SMARCE1: variants seen among roughly 807,000 people sequenced by gnomAD.
SMARCE1 encodes SWI/SNF-related matrix-associated actin-dependent regulator of chromatin subfamily E member 1.
Under a neutral mutation model 54.9 loss-of-function variants are expected in SMARCE1, and 13 were observed. That is an observed-to-expected ratio of 0.24 (90% CI 0.15 to 0.38). The LOEUF is 0.38. Ranked by LOEUF, SMARCE1 falls within the 10% of genes least tolerant of loss-of-function variation. The pLI is 1.00. For synonymous variants in SMARCE1, 151 were observed against 175.3 expected (o/e 0.86, Z 1.10); for missense variants, 295 against 523.8 (o/e 0.56, Z 4.26).
intron 4 of SMARCE1, 140 bp from the exon 5 acceptor site, chr17:40,637,712 C>T: frequency 1.6e-6 from 1 of 640,538 alleles, no homozygotes; most frequent in Non-Finnish European, 2.8e-6. Flanking sequence ...GCTATCACTG[C>T]AAATTCAGAA....
rs1266565002 is a variant in SMARCE1, at chr17:40,631,709, A to C, written c.715-16T>G. The C allele has an allele frequency of 7.0e-7, 1 of 1,427,050 alleles. No homozygotes were observed. The allele number at this position is 1,427,050 out of a possible 1,614,324, so 88.4% of individuals were successfully genotyped here. A position where few individuals can be genotyped will look rare whatever the true frequency, so the allele number is the denominator to read the frequency against. ...CTAGTTTTCGCTGCAAGACAGGATC[A>C]GGCTTCATAATTGTGTCTCATTTTT... On this transcript the variant is annotated splice_polypyrimidine_tract_variant and intron_variant, in intron 8 of 10. Transcript: ENST00000348513.
rs185372305 is a variant in SMARCE1 at position 40,642,024 on chromosome 17, G to A, written c.156+431C>T. 91 of 219,966 alleles carry A rather than the reference G, an allele frequency of 4.1e-4. 1 individual carries two copies. The East Asian group carries it at 0.011, about 27-fold the overall frequency. 13.6% of individuals were successfully genotyped at this position (219,966 alleles called of 1,614,324 possible). A position where few individuals can be genotyped will look rare whatever the true frequency, so the allele number is the denominator to read the frequency against. ...TAACTATGGGTAGCGATTCAAACTG[G>A]TGTACCAGCCAAAAGCTTTCCAGCC... is the stretch of plus-strand genomic sequence containing the variant. On this transcript the variant is annotated intron_variant, in intron 4 of 10. Transcript: ENST00000348513. This position sits in a 1 kb window ranked among gnomAD's most constrained non-coding sequence, Gnocchi z 4.6.
At position 40,642,655 on chromosome 17, in the gene SMARCE1, G is replaced by A. The variant is rs2037210771; in HGVS notation, c.52-96C>T. On this transcript the variant is annotated intron_variant, in intron 3 of 10. Transcript: ENST00000348513. The surrounding 1 kb of genome is among the most constrained non-coding windows in gnomAD (Gnocchi z 4.6). ...AATGATCTGCATATGGCATGCAAAA[G>A]CAACCTGAATTTAAACAAGCAATGA... is the stretch of plus-strand genomic sequence containing the variant. 1.4e-6 allele frequency: 1 copy of A among 712,020 alleles called. No homozygotes were observed. The highest frequency in any genetic ancestry group is 1.8e-5 in the South Asian group (1 of 56,848). The allele number at this position is 712,020 out of a possible 1,614,324, so 44.1% of individuals were successfully genotyped here.
chr17:40,632,242 T>C lies in SMARCE1; in HGVS notation c.667A>G (p.Arg223Gly). 6.2e-7 allele frequency: 1 copy of C among 1,613,924 alleles called. No homozygotes were observed. The highest frequency in any genetic ancestry group is 8.5e-7 in the Non-Finnish European group (1 of 1,179,854). ...PDVRSVVTTARMQVLKRQVQS... is the reference protein window; with the variant it reads ...PDVRSVVTTAGMQVLKRQVQS... ...ACCTGCCGTTTGAGGACCTGCATTC[T>C]AGCTGTTGTGACAACTGACCGAACG... Residue 223 changes from arginine to glycine, a missense_variant, in exon 8 of 11, where the codon AGA (arginine) becomes GGA (glycine). Arg to Gly is a moderately radical substitution (Grantham distance 125). Coordinates refer to ENST00000348513, the MANE Select transcript of SMARCE1 (RefSeq NM_003079.5).
At chr17:40,636,597 T>A in intron 5 of SMARCE1, 71 bp from the exon 6 acceptor site, 2 of 1,245,864 alleles carry the variant, frequency 1.6e-6, no homozygotes, top group Non-Finnish European at 2.3e-6. Flanking sequence ...TAGTTTTTAA[T>A]GTGGAAACTT....
Position 40,626,869 on chromosome 17 carries a change from C to T in SMARCE1, c.*1916G>A, listed in dbSNP as rs528767904. On this transcript the variant is annotated 3_prime_UTR_variant, in exon 11 of 11. Coordinates refer to ENST00000348513, the MANE Select transcript of SMARCE1 (RefSeq NM_003079.5). ...CAACCTGGGCGACAGATTGAGACGT[C>T]TCCCATCTGACTTAATTCCCTCATC... is the stretch of plus-strand genomic sequence containing the variant. 5.3e-5 allele frequency: 8 copies of T among 151,528 alleles called. No individual in the cohort carries two copies. The East Asian group carries it at 1.6e-3, about 29-fold the overall frequency. The allele number at this position is 151,528 out of a possible 1,614,324, so 9.4% of individuals were successfully genotyped here.
At chr17:40,641,678 T>A (rs1397869229) in intron 4 of SMARCE1, 1 of 152,232 alleles carries the variant, frequency 6.6e-6, no homozygotes. Context: ...TTTTTATAAT[T>A]ATTGGCATTT....
At chr17:40,637,640 C>A (rs1051304033) in intron 4 of SMARCE1, 68 bp from the exon 5 acceptor site, 2 of 1,279,528 alleles carry the variant, frequency 1.6e-6, no homozygotes, top group Non-Finnish European at 2.3e-6. Flanking sequence ...AAAAGAGAGT[C>A]CCTTAAAAAA....
At chr17:40,629,043 A>C in intron 10 of SMARCE1, 50 bp from the exon 11 acceptor site, 1 of 1,482,066 alleles carries the variant, frequency 6.7e-7, no homozygotes. Flanking sequence ...ATTTTACTCT[A>C]GTTATGCTGA....
chr17:40,640,471 TC>T (rs2037187505), intron 4 of SMARCE1: 1 of 152,218 alleles, frequency 6.6e-6, no homozygotes, highest in African/African-American at 2.4e-5. Context: ...GGACAGGGCT[TC>T]ACAGATTCGT....
At chr17:40,630,273 C>T (rs762886715) in intron 10 of SMARCE1, 27 of 1,532,346 alleles carry the variant, frequency 1.8e-5, no homozygotes, top group Non-Finnish European at 2.4e-5. Context: ...TAGGACAGAG[C>T]TGGCAATTTT....
In SMARCE1 at chr17:40,630,795, T is replaced by C. The variant is rs1399640472; in HGVS notation, c.946A>G (p.Ser316Gly). 6.2e-7 allele frequency: 1 copy of C among 1,614,136 alleles called. No individual in the cohort carries two copies. Among genetic ancestry groups the C allele is most frequent in the East Asian group, 2.2e-5 (1 of 44,878 alleles). ...EAAEQAERSQ[S>G]SIVPEEEQAA... ...TGTTCTTCCTCAGGAACGATGCTGC[T>C]CTGACTGCGCTCAGCTTGCTCTGCG... The change falls in exon 10 of 11, where the codon AGC becomes GGC. Residue 316 changes from serine (S) to glycine (G), a missense_variant. Around this residue, in one of 5 missense-constraint regions of SMARCE1, gnomAD observed 147 missense variants for 161.4 expected, o/e 0.91. Coordinates refer to ENST00000348513, the MANE Select transcript of SMARCE1 (RefSeq NM_003079.5).
At chr17:40,636,991 C>A (rs2037152250) in intron 5 of SMARCE1, 1 of 140,186 alleles carries the variant, frequency 7.1e-6, no homozygotes, top group African/African-American at 2.8e-5. Flanking sequence ...AAGATATTGG[C>A]TACTTTTTTT....
At chr17:40,643,484 T>A (rs535212663) in intron 3 of SMARCE1, 1 of 152,342 alleles carries the variant, frequency 6.6e-6, no homozygotes, top group South Asian at 2.1e-4. Flanking sequence ...TGGGCTCTTA[T>A]ATAGCAGTAG....
At chr17:40,629,584 A>ACCTCAT in intron 10 of SMARCE1, 2 of 1,110,552 alleles carry the variant, frequency 1.8e-6, no homozygotes, top group Non-Finnish European at 2.3e-6. Context: ...AGAAATTAAA[A>ACCTCAT]GCATGAGGTT....
In SMARCE1 at chr17:40,631,198, A is replaced by G. The variant is rs547778751; in HGVS notation, c.817-274T>C. On this transcript the variant is annotated intron_variant, in intron 9 of 10. Transcript: ENST00000348513. ...TAGTGAAAGTTCTGGGGTATACATA[A>G]GGCTTCCGTTTTACATTTTGGGCTA... 2.4e-5 allele frequency: 9 copies of G among 367,350 alleles called. No individual in the cohort carries two copies. In the East Asian group the frequency reaches 4.2e-4, roughly 17 times the overall value. The allele number at this position is 367,350 out of a possible 1,614,324, so 22.8% of individuals were successfully genotyped here. A position where few individuals can be genotyped will look rare whatever the true frequency, so the allele number is the denominator to read the frequency against.
In SMARCE1 at chr17:40,627,187, G is replaced by A. The variant is rs932056075; in HGVS notation, c.*1598C>T. On this transcript the variant is annotated 3_prime_UTR_variant, in exon 11 of 11. Coordinates refer to ENST00000348513, the MANE Select transcript of SMARCE1 (RefSeq NM_003079.5). ...AAACAGATCTATTTGATACAAATTC[G>A]TTCTTTGACACACAAGGAAACAGAT... The A allele has an allele frequency of 3.3e-5, 5 of 152,126 alleles. No individual in the cohort carries two copies. The highest frequency in any genetic ancestry group is 9.7e-5 in the African/African-American group (4 of 41,424). 9.4% of individuals were successfully genotyped at this position (152,126 alleles called of 1,614,324 possible). A position where few individuals can be genotyped will look rare whatever the true frequency, so the allele number is the denominator to read the frequency against.
chr17:40,631,563 A>G, intron 9 of SMARCE1, 29 bp downstream of exon 9: 12 of 1,120,476 alleles, frequency 1.1e-5, no homozygotes, highest in Non-Finnish European at 1.6e-5. Context: ...TATAGTGATA[A>G]AAGTATAGTT....
intron 10 of SMARCE1, chr17:40,630,277 CA>C: frequency 6.7e-7 from 1 of 1,499,164 alleles, no homozygotes; most frequent in Non-Finnish European, 9.1e-7. Flanking sequence ...ACAGAGCTGG[CA>C]ATTTTTTTCT....
Sources: gnomAD v4.1 joint callset for allele counts on GRCh38, gnomAD v4.1.1 for gene constraint, gnomAD v4.1.1 regional missense constraint, Gnocchi (gnomAD v3.1) non-coding constraint, MANE v1.5 for transcripts, NCBI Gene and HGNC (gene_info 2026-07-23, HGNC 2026-07-21) for gene names.